Variants in RTTN observed in about 807,000 individuals in gnomAD.
RTTN encodes rotatin.
A neutral mutation model predicts 269.2 loss-of-function variants in RTTN; 182 were observed. The ratio of observed to expected loss-of-function variants is 0.68; its 90% CI spans 0.60 to 0.76. RTTN has a LOEUF of 0.76. Ranked by LOEUF, RTTN falls within the 30% of genes least tolerant of loss-of-function variation. The pLI, the probability that RTTN is intolerant of heterozygous loss-of-function variation, is 0.00. For synonymous variants in RTTN, 1,006 were observed against 963.5 expected, an observed-to-expected ratio of 1.04 and a Z score of -0.82; for missense variants, 2,545 against 2,608.6, an observed-to-expected ratio of 0.98 and a Z score of 0.53.
At chr18:70,161,231 T>C (rs1354241648) in intron 14 of RTTN, among the ~76,000 whole-genome samples, 1 of 151,864 alleles carries the variant, frequency 6.6e-6, no homozygotes, top group Non-Finnish European at 1.5e-5. Flanking sequence ...AAGACAACAA[T>C]AACAAACAAC....
chr18:70,193,065 G>A, intron 8 of RTTN: 1 of 476,246 alleles, frequency 2.1e-6, no homozygotes, highest in Non-Finnish European at 3.7e-6. Context: ...ATATGTTCAA[G>A]TACTGAGCAC....
At chr18:70,105,276 T>C (rs1015645524) in intron 28 of RTTN, among the ~76,000 whole-genome samples, 3 of 152,208 alleles carry the variant, frequency 2.0e-5, no homozygotes, top group Non-Finnish European at 2.9e-5. Context: ...CGAGGCTCTA[T>C]AGGCGTGGGA....
intron 31 of RTTN, 32 bp from the exon 32 acceptor site, chr18:70,086,716 A>AGGT: frequency 4.4e-6 from 6 of 1,348,846 alleles, no homozygotes; most frequent in East Asian, 2.4e-5. Flanking sequence ...AAAAAAAAAA[A>AGGT]AAAAAAAAAA....
intron 14 of RTTN, among the ~76,000 whole-genome samples, chr18:70,160,900 T>C (rs1268522532): frequency 6.6e-6 from 1 of 152,166 alleles, no homozygotes; most frequent in Non-Finnish European, 1.5e-5. Context: ...AGAATCAATA[T>C]TGTTAAAATG....
chr18:70,190,976 T>C (rs1409175567), intron 8 of RTTN, among the ~76,000 whole-genome samples: 1 of 151,826 alleles, frequency 6.6e-6, no homozygotes. Flanking sequence ...TCACCTGAGG[T>C]CAGGAGTTCA....
At chr18:70,174,296 T>C (rs995875937) in intron 11 of RTTN, among the ~76,000 whole-genome samples, 1 of 152,172 alleles carries the variant, frequency 6.6e-6, no homozygotes, top group African/African-American at 2.4e-5. Flanking sequence ...ACACCAGCCT[T>C]AGGCACTTTC....
chr18:70,036,471 C>T (rs917994982), intron 40 of RTTN, among the ~76,000 whole-genome samples: 2 of 152,058 alleles, frequency 1.3e-5, no homozygotes, highest in African/African-American at 4.8e-5. Context: ...CTTGTTCTCA[C>T]TTATAAGTAG....
In RTTN at chr18:70,196,540, TAA is replaced by T; in HGVS notation, c.800_801del (p.Leu267GlnfsTer12). 6.2e-7 allele frequency: 1 copy of T among 1,612,732 alleles called. No homozygotes were observed. The highest frequency in any genetic ancestry group is 8.5e-7 in the Non-Finnish European group (1 of 1,179,686). ...QQLCMYLRNR[L>X]NFHRDPGFFS... ...AAAAAACCTGGATCTCGGTGAAAGT[TAA>T]GTCTGTTTCTTAAATACATGCACAG... On this transcript the variant is annotated frameshift_variant, in exon 7 of 49. Transcript: ENST00000640769. LOFTEE classifies it high-confidence loss of function.
At position 70,145,700 on chromosome 18, in the gene RTTN, G is replaced by A. The variant is rs758194521; in HGVS notation, c.2393C>T (p.Ala798Val). The A allele has an allele frequency of 5.0e-6, 8 of 1,613,358 alleles. No homozygotes were observed. Among genetic ancestry groups the A allele is most frequent in the Non-Finnish European group, 5.9e-6 (7 of 1,179,546 alleles). ...ATCAGTAACTCTGGAGAGAACTCTG[G>A]CGTCTATTAGAGGACGCTTTGTATC... ...GADTKRPLID[A>V]RVLSRVTDLF... The change falls in exon 18 of 49, where the codon GCC (alanine) becomes GTC (valine). Residue 798 changes from alanine to valine, a missense_variant. By Grantham distance (64) the Ala-to-Val change is moderately conservative (BLOSUM62 0). Coordinates refer to ENST00000640769, the MANE Select transcript of RTTN (RefSeq NM_173630.4).
intron 44 of RTTN, among the ~76,000 whole-genome samples, chr18:70,024,028 C>A (rs2056781298): frequency 6.6e-6 from 1 of 152,202 alleles, no homozygotes; most frequent in South Asian, 2.1e-4. Context: ...AGTGATCCGC[C>A]TGCCTGGGTC....
chr18:70,012,886 T>A, intron 46 of RTTN, among the ~76,000 whole-genome samples: 1 of 152,286 alleles, frequency 6.6e-6, no homozygotes, highest in East Asian at 1.9e-4. Flanking sequence ...GATTCCAGAA[T>A]AGAATAAACA....
rs558072588 is a variant in RTTN at position 70,099,327 on chromosome 18, A to G, written c.3904-6523T>C. On this transcript the variant is annotated intron_variant, in intron 28 of 48. Coordinates refer to ENST00000640769, the MANE Select transcript of RTTN (RefSeq NM_173630.4). ...GTTTCTCATTGTCGTTTTGATTTGC[A>G]TTTCTCCGATGATGAGCATTCTTTC... Among the ~76,000 whole-genome samples the G allele has an allele frequency of 6.6e-5, 10 of 152,054 alleles. No homozygotes were observed. The South Asian group carries it at 8.3e-4, about 13-fold the overall frequency.
chr18:70,193,165 T>C (rs1242928335), intron 8 of RTTN, 123 bp downstream of exon 8: 6 of 920,966 alleles, frequency 6.5e-6, no homozygotes, highest in African/African-American at 1.8e-5. Context: ...CCTATACCTG[T>C]GTTAATGTTT....
intron 30 of RTTN, among the ~76,000 whole-genome samples, chr18:70,089,405 T>C (rs2058783601): frequency 6.6e-6 from 1 of 152,230 alleles, no homozygotes; most frequent in Admixed American, 6.5e-5. Context: ...GACACTCTGA[T>C]CTTGGACTTG....
chr18:70,065,378 C>G (rs1386482677), intron 35 of RTTN, among the ~76,000 whole-genome samples: 1 of 151,398 alleles, frequency 6.6e-6, no homozygotes, highest in Non-Finnish European at 1.5e-5. Context: ...AAAAATAAGT[C>G]CCAAGTTGTA....
In RTTN at chr18:70,024,834, T is replaced by C; in HGVS notation, c.5838A>G (p.Glu1946=). The C allele has an allele frequency of 6.2e-7, 1 of 1,613,584 alleles. No individual in the cohort carries two copies. Among genetic ancestry groups the C allele is most frequent in the South Asian group, 1.1e-5 (1 of 90,888 alleles). ...QNEECKEAAL[E]AHLVPVLHSL... ...AGTGCAAGACAGGGACAAGGTGAGC[T>C]TCAAGAGCTGCTTCCTGTTGAAGGA... Residue 1946 remains glutamate, a synonymous_variant, in exon 44 of 49, where the codon GAA becomes GAG. Coordinates refer to ENST00000640769, the MANE Select transcript of RTTN (RefSeq NM_173630.4).
At chr18:70,109,440 C>A in intron 28 of RTTN, 58 bp downstream of exon 28, 1 of 1,308,120 alleles carries the variant, frequency 7.6e-7, no homozygotes, top group Non-Finnish European at 1.1e-6. Flanking sequence ...CACTTGTGGC[C>A]TGGCATAAAG....
At chr18:70,053,220 A>G (rs993137426) in intron 38 of RTTN, 3 of 152,246 alleles carry the variant, frequency 2.0e-5, no homozygotes, top group African/African-American at 7.2e-5. Context: ...AGAAATAGTA[A>G]TAAGATTGTC....
intron 21 of RTTN, chr18:70,138,466 CATA>C (rs748318469): frequency 1.4e-4 from 21 of 152,088 alleles, no homozygotes; most frequent in African/African-American, 4.3e-4. Context: ...AGTAGGTGTT[CATA>C]ATAAGTTCCA....
Sources: gnomAD v4.1 joint callset for allele counts (sites outside exome capture counted in the v4.1 genomes callset) on GRCh38, gnomAD v4.1.1 for gene constraint, MANE v1.5 for transcripts, NCBI Gene and HGNC (gene_info 2026-07-23, HGNC 2026-07-21) for gene names.